The following CPNE4 variants were observed in gnomAD, a reference collection of about 807,000 sequenced individuals.
CPNE4 encodes copine-4.
CPNE4 carries 25 observed loss-of-function variants against 67.9 expected under a neutral mutation model. That is an observed-to-expected ratio of 0.37 (90% CI 0.27 to 0.51). The LOEUF (loss-of-function observed/expected upper bound fraction) is 0.51, where lower values mean the gene tolerates loss of function less well. CPNE4 is among the 20% of genes least tolerant of loss of function. The pLI, the probability that CPNE4 is intolerant of heterozygous loss-of-function variation, is 0.93. For missense variants in CPNE4, 464 were observed against 690.8 expected, an observed-to-expected ratio of 0.67 and a Z score of 3.68; for synonymous variants, 242 against 244.9, an observed-to-expected ratio of 0.99 and a Z score of 0.11.
chr3:131,949,934 C>T (rs558127685), intron 1 of CPNE4, among the ~76,000 whole-genome samples: 1 of 152,206 alleles, frequency 6.6e-6, no homozygotes, highest in African/African-American at 2.4e-5. Flanking sequence ...TCATGAAGGA[C>T]ATTAGGATTG....
intron 2 of CPNE4, among the ~76,000 whole-genome samples, chr3:131,879,403 A>G (rs1346402857): frequency 6.6e-6 from 1 of 152,214 alleles, no homozygotes; most frequent in Non-Finnish European, 1.5e-5. Flanking sequence ...TTTATTCGAC[A>G]TTAACATACT....
chr3:131,840,207 T>C (rs977915377), intron 2 of CPNE4, among the ~76,000 whole-genome samples: 1 of 152,198 alleles, frequency 6.6e-6, no homozygotes, highest in African/African-American at 2.4e-5. Context: ...CTCTATAATT[T>C]TCTCAATTAG....
chr3:131,745,327 T>A (rs1333100905), intron 2 of CPNE4, among the ~76,000 whole-genome samples: 1 of 152,154 alleles, frequency 6.6e-6, no homozygotes, highest in South Asian at 2.1e-4. Context: ...ACTAGTACTG[T>A]TACATATGTG....
At chr3:131,595,130 T>A (rs1297606728) in intron 7 of CPNE4, among the ~76,000 whole-genome samples, 1 of 152,136 alleles carries the variant, frequency 6.6e-6, no homozygotes. Flanking sequence ...TATAAAATGG[T>A]GGAGCAGCTA....
chr3:131,687,438 C>T (rs562885215), intron 5 of CPNE4, among the ~76,000 whole-genome samples: 1 of 152,256 alleles, frequency 6.6e-6, no homozygotes, highest in East Asian at 1.9e-4. Context: ...GGATAGGAGG[C>T]TATCTGAGCA....
intron 7 of CPNE4, among the ~76,000 whole-genome samples, chr3:131,631,852 A>G (rs1371642988): frequency 6.6e-6 from 1 of 151,280 alleles, no homozygotes; most frequent in Non-Finnish European, 1.5e-5. Context: ...CAGTTCTGTG[A>G]TAGGTGCTTT....
At chr3:131,946,571 T>C (rs1167199742) in intron 1 of CPNE4, among the ~76,000 whole-genome samples, 1 of 152,188 alleles carries the variant, frequency 6.6e-6, no homozygotes, top group African/African-American at 2.4e-5. Flanking sequence ...TGAAGTTCTT[T>C]GCACATTTTA....
chr3:131,671,132 C>A (rs1034866377), intron 6 of CPNE4, among the ~76,000 whole-genome samples: 3 of 152,094 alleles, frequency 2.0e-5, no homozygotes, highest in Admixed American at 6.6e-5. Flanking sequence ...TAACATAATT[C>A]TTTTATAAGT....
intron 1 of CPNE4, among the ~76,000 whole-genome samples, chr3:131,941,991 T>C (rs1390751841): frequency 1.3e-5 from 2 of 152,092 alleles, no homozygotes; most frequent in East Asian, 1.9e-4. Context: ...CATTATGACA[T>C]AGAAATATTT....
At chr3:131,707,300 G>A (rs562248006) in intron 3 of CPNE4, among the ~76,000 whole-genome samples, 1 of 152,236 alleles carries the variant, frequency 6.6e-6, no homozygotes, top group South Asian at 2.1e-4. Flanking sequence ...TGTGGCTGCT[G>A]CAGCTCCTCA....
chr3:131,776,347 G>A (rs1056509393), intron 2 of CPNE4, among the ~76,000 whole-genome samples: 2 of 152,094 alleles, frequency 1.3e-5, no homozygotes, highest in African/African-American at 4.8e-5. Flanking sequence ...GATAGCAAAT[G>A]GCAGAACAGG....
intron 1 of CPNE4, among the ~76,000 whole-genome samples, chr3:131,955,123 T>C (rs568969175): frequency 2.6e-5 from 4 of 152,132 alleles, no homozygotes; most frequent in African/African-American, 7.2e-5. Context: ...TGTTTTGTTT[T>C]ACTTTTAGTG....
In CPNE4 at chr3:131,623,963, G is replaced by T. The variant is rs568753989; in HGVS notation, c.682-36381C>A. ...GTGGGTAAAACATAAAGAGAGTATA[G>T]CTCCTTTTCTCCTTATTTGTCACGG... is the stretch of plus-strand genomic sequence containing the variant. On this transcript the variant is annotated intron_variant, in intron 7 of 15. Transcript: ENST00000429747. Among the ~76,000 whole-genome samples, 5 of 152,224 alleles carry T rather than the reference G, an allele frequency of 3.3e-5. No individual in the cohort carries two copies. In the South Asian group the frequency reaches 1.0e-3, roughly 32 times the overall value.
chr3:131,874,141 T>A (rs1032931550), intron 2 of CPNE4, among the ~76,000 whole-genome samples: 1 of 151,396 alleles, frequency 6.6e-6, no homozygotes, highest in Non-Finnish European at 1.5e-5. Flanking sequence ...CAGGCTGGAG[T>A]GCAGTGGCGC....
At chr3:131,794,415 T>C (rs2083864487) in intron 2 of CPNE4, among the ~76,000 whole-genome samples, 1 of 152,066 alleles carries the variant, frequency 6.6e-6, no homozygotes, top group Non-Finnish European at 1.5e-5. Context: ...CAGCTAATTT[T>C]TGTACTGTTA....
At chr3:131,591,348 CT>C (rs1247217146) in intron 7 of CPNE4, among the ~76,000 whole-genome samples, 3 of 152,068 alleles carry the variant, frequency 2.0e-5, no homozygotes, top group East Asian at 1.9e-4. Flanking sequence ...GTGGGAGCAA[CT>C]TTTTTTTAAC....
intron 1 of CPNE4, among the ~76,000 whole-genome samples, chr3:131,928,767 G>A (rs2070967901): frequency 6.6e-6 from 1 of 152,202 alleles, no homozygotes; most frequent in Non-Finnish European, 1.5e-5. Flanking sequence ...ATGGGAGGGT[G>A]TCAGGCCTCC....
At chr3:131,764,425 T>A (rs1358180491) in intron 2 of CPNE4, among the ~76,000 whole-genome samples, 2 of 152,152 alleles carry the variant, frequency 1.3e-5, no homozygotes, top group Admixed American at 1.3e-4. Flanking sequence ...ATTATTGTTA[T>A]GAAGAAATTA....
chr3:131,627,929 T>C (rs1258111463), intron 7 of CPNE4, among the ~76,000 whole-genome samples: 3 of 152,194 alleles, frequency 2.0e-5, no homozygotes, highest in Admixed American at 2.0e-4. Flanking sequence ...TCCATAAACA[T>C]TGTTGAAATG....
Sources: gnomAD v4.1 joint callset for allele counts (sites outside exome capture counted in the v4.1 genomes callset) on GRCh38, gnomAD v4.1.1 for gene constraint, MANE v1.5 for transcripts, NCBI Gene and HGNC (gene_info 2026-07-23, HGNC 2026-07-21) for gene names.